Variants in CFAP43 observed in about 807,000 individuals in gnomAD.
CFAP43 encodes cilia- and flagella-associated protein 43.
Under a neutral mutation model 218.9 loss-of-function variants are expected in CFAP43, and 155 were observed. That is an observed-to-expected ratio of 0.71 (90% CI 0.62 to 0.81). The LOEUF (loss-of-function observed/expected upper bound fraction) is 0.81. CFAP43 is among the 30% of genes least tolerant of loss of function. The probability of loss-of-function intolerance (pLI) is 0.00; values close to 1 mark genes in which losing one functional copy is unlikely to be tolerated. For synonymous variants in CFAP43, 645 were observed against 681.3 expected, an observed-to-expected ratio of 0.95 and a Z score of 0.83; for missense variants, 1,778 against 1,954.3, an observed-to-expected ratio of 0.91 and a Z score of 1.70.
chr10:104,162,446 T>C (rs2088930354), intron 24 of CFAP43, 43 bp from the exon 25 acceptor site: 2 of 1,553,902 alleles, frequency 1.3e-6, no homozygotes, highest in South Asian at 1.1e-5. Context: ...TCTTACAAAA[T>C]TCAAACTAAA....
At chr10:104,174,813 TG>T (rs1263464583) in intron 19 of CFAP43, among the ~76,000 whole-genome samples, 1 of 151,956 alleles carries the variant, frequency 6.6e-6, no homozygotes, top group African/African-American at 2.4e-5. Flanking sequence ...CCCAGCACTT[TG>T]GGAGGCCGAG....
chr10:104,147,007 T>C (rs1378429984), intron 29 of CFAP43, among the ~76,000 whole-genome samples: 1 of 152,110 alleles, frequency 6.6e-6, no homozygotes. Flanking sequence ...ACTCCTTTCC[T>C]GCCTTTGAGT....
At position 104,205,966 on chromosome 10, in the gene CFAP43, T is replaced by G. The variant is rs555490433; in HGVS notation, c.960A>C (p.Gly320=). The G allele has an allele frequency of 1.6e-4, 263 of 1,606,204 alleles. 1 individual carries two copies. The highest frequency in any genetic ancestry group is 1.1e-3 in the South Asian group (96 of 88,670). ...TTTGAAAAAAAGAATACATTACAAT[T>G]CCAGAAGCCAGCACGCCCTCCTTCT... ...VYQKEGVLAS[G]IDGFVYSFII... The change falls in exon 7 of 38, where the codon GGA becomes GGC. Residue 320 remains glycine (G), a synonymous_variant. Transcript: ENST00000357060.
At chr10:104,158,878 T>G (rs986425607) in intron 27 of CFAP43, among the ~76,000 whole-genome samples, 1 of 152,088 alleles carries the variant, frequency 6.6e-6, no homozygotes, top group African/African-American at 2.4e-5. Context: ...TATAAAAAAC[T>G]GATGTGCACA....
chr10:104,198,903 G>A (rs1412509627), intron 8 of CFAP43, among the ~76,000 whole-genome samples: 3 of 151,726 alleles, frequency 2.0e-5, no homozygotes, highest in Admixed American at 6.6e-5. Context: ...CCCCCTCCTC[G>A]ACCTCCCAAA....
chr10:104,167,427 A>G (rs1451092253), intron 22 of CFAP43, among the ~76,000 whole-genome samples, 194 bp downstream of exon 22: 1 of 152,194 alleles, frequency 6.6e-6, no homozygotes, highest in African/African-American at 2.4e-5. Context: ...TGTATAGGAT[A>G]CAGGCTCCTT....
intron 12 of CFAP43, 55 bp downstream of exon 12, chr10:104,192,144 C>T: frequency 1.5e-6 from 2 of 1,351,654 alleles, no homozygotes; most frequent in African/African-American, 1.5e-5. Context: ...TTTTCATAAC[C>T]TTAAATTCTT....
intron 19 of CFAP43, among the ~76,000 whole-genome samples, chr10:104,173,693 C>T (rs2089503383): frequency 6.6e-6 from 1 of 152,202 alleles, no homozygotes; most frequent in African/African-American, 2.4e-5. Flanking sequence ...CAAGACACTT[C>T]CCAACACCAC....
chr10:104,179,184 A>C (rs1268988005), intron 18 of CFAP43, 78 bp from the exon 19 acceptor site: 1 of 1,238,280 alleles, frequency 8.1e-7, no homozygotes, highest in Non-Finnish European at 1.1e-6. Context: ...AGAGAGAGCA[A>C]TTCTCTAGAA....
chr10:104,192,082 T>G (rs2090243574), intron 12 of CFAP43, 117 bp downstream of exon 12: 1 of 772,122 alleles, frequency 1.3e-6, no homozygotes, highest in Non-Finnish European at 2.0e-6. Context: ...AGGTTTCTCT[T>G]TCAGAAAATA....
chr10:104,145,306 A>G (rs189719803), intron 31 of CFAP43, among the ~76,000 whole-genome samples, 170 bp downstream of exon 31: 1 of 152,388 alleles, frequency 6.6e-6, no homozygotes, highest in Admixed American at 6.5e-5. Context: ...AGATATAGAC[A>G]TAATCTCAAA....
At chr10:104,154,969 G>A (rs1260936973) in intron 27 of CFAP43, among the ~76,000 whole-genome samples, 3 of 152,188 alleles carry the variant, frequency 2.0e-5, no homozygotes, top group Non-Finnish European at 2.9e-5. Context: ...TTCTGGAGGG[G>A]GCGCTCTTTA....
Position 104,142,387 on chromosome 10 carries a change from G to T in CFAP43, c.4165C>A (p.Gln1389Lys). Residue 1389 changes from glutamine (Q) to lysine (K), a missense_variant, in exon 33 of 38, where the codon CAG (glutamine) becomes AAG (lysine). By Grantham distance (53) the Gln-to-Lys change is moderately conservative. Around this residue, in one of 3 missense-constraint regions of CFAP43, gnomAD observed 1,553 missense variants for 1,685.2 expected, o/e 0.92. Coordinates refer to ENST00000357060, the MANE Select transcript of CFAP43 (RefSeq NM_025145.7). Reference protein sequence around the residue: ...AKVENEQKVKQKAADLLEMAT... With the variant: ...AKVENEQKVKKKAADLLEMAT... The stretch of plus-strand genomic sequence containing the variant: ...ATTTCCAATAAGTCAGCTGCTTTCT[G>T]CTTTACCTAAAGAAACCAAGCCAGA... 1.2e-6 allele frequency: 2 copies of T among 1,611,924 alleles called. No individual in the cohort carries two copies. The highest frequency in any genetic ancestry group is 1.7e-6 in the Non-Finnish European group (2 of 1,178,970).
chr10:104,207,651 G>A lies in CFAP43; in HGVS notation c.895+14C>T. The stretch of plus-strand genomic sequence containing the variant: ...CATGGCTATACAGGAATATGAAGTA[G>A]GACAGTTTCTTACCCAATGGCGATT... On this transcript the variant is annotated intron_variant, in intron 6 of 37. Coordinates refer to ENST00000357060, the MANE Select transcript of CFAP43 (RefSeq NM_025145.7). 1 of 1,607,946 alleles carries A rather than the reference G, an allele frequency of 6.2e-7. No homozygotes were observed. Among genetic ancestry groups the A allele is most frequent in the Non-Finnish European group, 8.5e-7 (1 of 1,177,088 alleles).
chr10:104,211,715 G>T (rs776087548), intron 5 of CFAP43, among the ~76,000 whole-genome samples: 17 of 152,036 alleles, frequency 1.1e-4, no homozygotes, highest in Non-Finnish European at 2.1e-4. Flanking sequence ...CCCAACTTCT[G>T]CCCAGCATCT....
intron 3 of CFAP43, among the ~76,000 whole-genome samples, chr10:104,216,770 A>G (rs1043791921): frequency 1.3e-5 from 2 of 151,922 alleles, no homozygotes; most frequent in Non-Finnish European, 2.9e-5. Context: ...AGTGGTGGCC[A>G]GCAAGGTAAT....
chr10:104,153,782 CTT>C (rs897452541), intron 27 of CFAP43, among the ~76,000 whole-genome samples: 17 of 149,876 alleles, frequency 1.1e-4, no homozygotes, highest in African/African-American at 3.0e-4. Flanking sequence ...CTCTCTCTCT[CTT>C]CTCTCTCTCT....
At chr10:104,211,864 G>T in intron 5 of CFAP43, 143 bp downstream of exon 5, 1 of 910,894 alleles carries the variant, frequency 1.1e-6, no homozygotes, top group Non-Finnish European at 1.6e-6. Context: ...ATCTCTCACA[G>T]TCTCTGTGGC....
At chr10:104,171,995 A>C (rs2089432763) in intron 20 of CFAP43, among the ~76,000 whole-genome samples, 1 of 152,104 alleles carries the variant, frequency 6.6e-6, no homozygotes, top group African/African-American at 2.4e-5. Context: ...ATCCTCTACC[A>C]CTCTCAGAGG....
Sources: allele counts gnomAD v4.1 joint callset (sites outside exome capture counted in the v4.1 genomes callset), GRCh38; gene constraint gnomAD v4.1.1; regional missense constraint gnomAD v4.1.1; transcripts MANE v1.5; gene names NCBI Gene and HGNC (gene_info 2026-07-23, HGNC 2026-07-21).